Variants in ZNF317 observed in about 807,000 individuals in gnomAD.
ZNF317 encodes KRAB-containing zinc finger protein 317.
ZNF317 carries 17 observed loss-of-function variants against 23.4 expected under a neutral mutation model. That is an observed-to-expected ratio of 0.73 (90% CI 0.50 to 1.09). ZNF317 has a LOEUF of 1.09. ZNF317 is among the 50% of genes least tolerant of loss of function. ZNF317 has a pLI of 0.00. For synonymous variants in ZNF317, 317 were observed against 314.9 expected (o/e 1.01, Z -0.07); for missense variants, 679 against 796.7 (o/e 0.85, Z 1.78).
chr19:9,153,885 A>C (rs542097577), intron 1 of ZNF317, among the ~76,000 whole-genome samples: 38 of 152,242 alleles, frequency 2.5e-4, no homozygotes, highest in African/African-American at 8.7e-4. Context: ...GGTGTACTGA[A>C]TTGGGAGATG....
At position 9,158,890 on chromosome 19, in the gene ZNF317, G is replaced by C. The variant is rs764217762; in HGVS notation, c.450G>C (p.Thr150=). Residue 150 remains threonine, a synonymous_variant, in exon 6 of 7, where the codon ACG becomes ACC. Transcript: ENST00000247956. Reference sequence around the variant, plus strand: ...TGGAAGATATTTTTGGGAAGGAAACGCCCAGTGGTGTGACGATGGTAAGAT... The same window carrying C: ...TGGAAGATATTTTTGGGAAGGAAACCCCCAGTGGTGTGACGATGGTAAGAT... ...LLMEDIFGKE[T]PSGVTMERAG... is the part of the protein sequence containing the mutation. 1.2e-6 allele frequency: 2 copies of C among 1,610,984 alleles called. No homozygotes were observed. The highest frequency in any genetic ancestry group is 2.2e-5 in the South Asian group (2 of 91,018).
intron 1 of ZNF317, among the ~76,000 whole-genome samples, chr19:9,147,817 G>A (rs1462902937): frequency 6.6e-6 from 1 of 152,094 alleles, no homozygotes; most frequent in Non-Finnish European, 1.5e-5. Flanking sequence ...GATACAGTTT[G>A]GATGTGTATC....
At chr19:9,157,481 C>T (rs781399301) in intron 4 of ZNF317, 87 bp downstream of exon 4, 40 of 1,535,930 alleles carry the variant, frequency 2.6e-5, no homozygotes, top group East Asian at 4.6e-5. Context: ...AACTATGCAG[C>T]GGTTCAGAAC....
chr19:9,157,618 A>T, intron 4 of ZNF317: 1 of 616,014 alleles, frequency 1.6e-6, no homozygotes. Context: ...GGCTTCTGAA[A>T]TACGAAATCC....
intron 1 of ZNF317, among the ~76,000 whole-genome samples, chr19:9,151,298 A>G (rs1387111983): frequency 6.6e-6 from 1 of 152,232 alleles, no homozygotes; most frequent in African/African-American, 2.4e-5. Flanking sequence ...TTGGTGTTGA[A>G]TAATGAATCC....
chr19:9,141,955 A>C (rs1200670031), intron 1 of ZNF317, among the ~76,000 whole-genome samples: 1 of 151,956 alleles, frequency 6.6e-6, no homozygotes, highest in Non-Finnish European at 1.5e-5. Context: ...ACAGGCACCC[A>C]CCACCACACC....
intron 1 of ZNF317, among the ~76,000 whole-genome samples, chr19:9,146,492 A>G (rs1288039856): frequency 6.8e-6 from 1 of 147,232 alleles, no homozygotes; most frequent in Non-Finnish European, 1.5e-5. Context: ...CAGTGGCATG[A>G]TCTTGGCTTA....
intron 1 of ZNF317, among the ~76,000 whole-genome samples, chr19:9,140,853 A>G (rs1403420531): frequency 6.6e-6 from 1 of 152,102 alleles, no homozygotes; most frequent in African/African-American, 2.4e-5. Flanking sequence ...GGGGCGGAAA[A>G]GCCCGGCTGA....
intron 4 of ZNF317, 33 bp from the exon 5 acceptor site, chr19:9,157,947 C>G: frequency 6.5e-7 from 1 of 1,547,394 alleles, no homozygotes; most frequent in Non-Finnish European, 8.7e-7. Context: ...CTGCATGGCC[C>G]TCCCTCAACC....
At position 9,160,698 on chromosome 19, in the gene ZNF317, G is replaced by C. The variant is rs2050841347; in HGVS notation, c.1053G>C (p.Glu351Asp). 1 of 1,614,046 alleles carries C rather than the reference G, an allele frequency of 6.2e-7. No individual in the cohort carries two copies. The highest frequency in any genetic ancestry group is 1.3e-5 in the African/African-American group (1 of 74,930). Residue 351 changes from glutamate to aspartate, a missense_variant, in exon 7 of 7, where the codon GAG (glutamate) becomes GAC (aspartate). Transcript: ENST00000247956. The surrounding 1 kb of genome is among the most constrained non-coding windows in gnomAD (Gnocchi z 6.8). ...TCCAGCACCCCTCCCACCTCAAAGA[G>C]CACGTGAGGAATCACACGGGGGAGA... is the stretch of plus-strand genomic sequence containing the variant. ...KAFQHPSHLK[E>D]HVRNHTGEKP...
At chr19:9,143,818 C>T (rs1263180482) in intron 1 of ZNF317, among the ~76,000 whole-genome samples, 1 of 151,070 alleles carries the variant, frequency 6.6e-6, no homozygotes, top group East Asian at 1.9e-4. Context: ...CACACACACA[C>T]CTCTTTTTGG....
intron 4 of ZNF317, 79 bp downstream of exon 4, chr19:9,157,473 C>A: frequency 6.3e-7 from 1 of 1,576,222 alleles, no homozygotes; most frequent in Non-Finnish European, 8.7e-7. Context: ...GACCCAGGAA[C>A]TATGCAGCGG....
chr19:9,144,071 T>C (rs1311432499), intron 1 of ZNF317, among the ~76,000 whole-genome samples: 1 of 151,854 alleles, frequency 6.6e-6, no homozygotes, highest in African/African-American at 2.4e-5. Flanking sequence ...GGCGCGATCT[T>C]GGCTCACTGC....
At chr19:9,153,004 T>C (rs112527199) in intron 1 of ZNF317, among the ~76,000 whole-genome samples, 2,037 of 152,362 alleles carry the variant, frequency 0.013, 48 homozygotes, top group African/African-American at 0.047. Context: ...ATTCTAGCTG[T>C]AGTTTTGTCA....
chr19:9,147,330 G>GTTTTTTTTTTTT lies in ZNF317; in HGVS notation c.-93+6754_-93+6765dup, dbSNP rs35259257. Among the ~76,000 whole-genome samples the GTTTTTTTTTTTT allele has an allele frequency of 1.6e-4, 18 of 110,170 alleles. 1 individual carries two copies. The highest frequency in any genetic ancestry group is 6.6e-4 in the African/African-American group (17 of 25,588). 72.3% of individuals were successfully genotyped at this position (110,170 alleles called of 152,430 possible). ...TGGTGACAGCATTCCAATGACACTG[G>GTTTTTTTTTTTT]TTTTTTTTTTTTTTTTTTTTTTTTT... On this transcript the variant is annotated intron_variant, in intron 1 of 6. Transcript: ENST00000247956.
intron 6 of ZNF317, among the ~76,000 whole-genome samples, chr19:9,159,838 T>C (rs867043122): frequency 3.3e-5 from 5 of 152,264 alleles, no homozygotes; most frequent in African/African-American, 1.2e-4. Flanking sequence ...TGAGCCACCT[T>C]GCCCAGCCTC....
intron 3 of ZNF317, chr19:9,157,033 G>T: frequency 1.6e-6 from 1 of 635,946 alleles, no homozygotes; most frequent in Non-Finnish European, 2.7e-6. Flanking sequence ...TAGAACTGGA[G>T]GGAGATTAGT....
chr19:9,151,456 T>C (rs369783390), intron 1 of ZNF317, among the ~76,000 whole-genome samples: 2 of 152,284 alleles, frequency 1.3e-5, no homozygotes, highest in African/African-American at 4.8e-5. Context: ...AGTGGTAATA[T>C]TGATTATTGA....
intron 1 of ZNF317, among the ~76,000 whole-genome samples, chr19:9,148,005 C>T (rs987668817): frequency 2.0e-5 from 3 of 152,106 alleles, no homozygotes; most frequent in Non-Finnish European, 2.9e-5. Context: ...GTCATTTACA[C>T]GTGTGTGGCA....
Sources: gnomAD v4.1 joint callset for allele counts (sites outside exome capture counted in the v4.1 genomes callset) on GRCh38, gnomAD v4.1.1 for gene constraint, Gnocchi (gnomAD v3.1) non-coding constraint, MANE v1.5 for transcripts, NCBI Gene and HGNC (gene_info 2026-07-23, HGNC 2026-07-21) for gene names.